CCS: variants seen among roughly 807,000 people sequenced by gnomAD.
CCS encodes superoxide dismutase copper chaperone.
In CCS, 32 loss-of-function variants were observed where a neutral mutation model predicts 35.5. The observed-to-expected ratio is 0.90, with a 90% CI of 0.68 to 1.21. The LOEUF (loss-of-function observed/expected upper bound fraction) is 1.21, where lower values mean the gene tolerates loss of function less well. Among genes scored for constraint, CCS ranks in the 50% most tolerant of loss-of-function variants. The pLI, the probability that CCS is intolerant of heterozygous loss-of-function variation, is 0.00. For synonymous variants in CCS, 130 were observed against 147.2 expected (o/e 0.88, Z 0.84); for missense variants, 342 against 375.4 (o/e 0.91, Z 0.73).
intron 5 of CCS, among the ~76,000 whole-genome samples, chr11:66,601,251 C>T (rs1385696384): frequency 6.6e-6 from 1 of 152,108 alleles, no homozygotes; most frequent in Non-Finnish European, 1.5e-5. Context: ...CACCACCACA[C>T]CCGGGTAATT....
chr11:66,593,812 A>G, intron 2 of CCS, 98 bp downstream of exon 2: 1 of 1,122,172 alleles, frequency 8.9e-7, no homozygotes, highest in South Asian at 1.3e-5. Context: ...TTACAGATGC[A>G]GAAAGTGAAC....
chr11:66,599,339 G>A, intron 3 of CCS, 86 bp downstream of exon 3: 1 of 1,505,240 alleles, frequency 6.6e-7, no homozygotes, highest in Non-Finnish European at 8.9e-7. Context: ...CTCAGGCTCT[G>A]GGTTGGAGTG....
rs758584721 is a variant in CCS, at chr11:66,593,632, G to A, written c.40-10G>A. ...CAGCGATCATCGGTTGGTCCCTGCC[G>A]CCCTTGCAGTTGGAGTTCGCGGTGC... On this transcript the variant is annotated splice_polypyrimidine_tract_variant and intron_variant, in intron 1 of 7. Coordinates refer to ENST00000533244, the MANE Select transcript of CCS (RefSeq NM_005125.2). The A allele has an allele frequency of 1.9e-6, 3 of 1,613,222 alleles. No homozygotes were observed. The highest frequency in any genetic ancestry group is 4.5e-5 in the East Asian group (2 of 44,864).
Position 66,593,210 on chromosome 11 carries a change from G to C in CCS, c.-52G>C. 6.5e-7 allele frequency: 1 copy of C among 1,545,618 alleles called. No individual in the cohort carries two copies. Among genetic ancestry groups the C allele is most frequent in the African/African-American group, 1.4e-5 (1 of 73,242 alleles). On this transcript the variant is annotated 5_prime_UTR_variant, in exon 1 of 8. Coordinates refer to ENST00000533244, the MANE Select transcript of CCS (RefSeq NM_005125.2). ...AGTCCCCGCGACGCCGCGCTGGTTG[G>C]TGCTCCTGCGCCGGAGGAGTTCTGC...
chr11:66,599,148 C>T lies in CCS; in HGVS notation c.145C>T (p.Gln49Ter). Residue 49 changes from glutamine (Q) to a stop codon, truncating the protein, a stop_gained, in exon 3 of 8, where the codon CAG (glutamine) becomes TAG (stop). Transcript: ENST00000533244. LOFTEE classifies it high-confidence loss of function. Reference protein sequence around the residue: ...VQDVEVHLEDQMVLVHTTLPS... With the variant: ...VQDVEVHLED Reference sequence around the variant, plus strand: ...GGATGTGGAGGTGCACTTGGAGGACCAGATGGTCTTGGTACACACCACTCT... The same window carrying T: ...GGATGTGGAGGTGCACTTGGAGGACTAGATGGTCTTGGTACACACCACTCT... 2 of 1,614,082 alleles carry T rather than the reference C, an allele frequency of 1.2e-6. No individual in the cohort carries two copies. Among genetic ancestry groups the T allele is most frequent in the Non-Finnish European group, 8.5e-7 (1 of 1,180,030 alleles).
intron 2 of CCS, among the ~76,000 whole-genome samples, chr11:66,598,071 G>A (rs1201706044): frequency 6.6e-6 from 1 of 150,454 alleles, no homozygotes; most frequent in African/African-American, 2.4e-5. Flanking sequence ...GTGACACAGC[G>A]AGACTCTGTC....
Position 66,605,877 on chromosome 11 carries a change from G to C in CCS, c.*22G>C. On this transcript the variant is annotated 3_prime_UTR_variant, in exon 8 of 8. Transcript: ENST00000533244. ...TTGAGCAGGACCTCACCTTGGCTCTGTTGCTGTCCTCCAGGGCGAGCACTT... is the reference window on the plus strand; with the variant it reads ...TTGAGCAGGACCTCACCTTGGCTCTCTTGCTGTCCTCCAGGGCGAGCACTT... The C allele has an allele frequency of 6.7e-7, 1 of 1,497,534 alleles. No homozygotes were observed. Among genetic ancestry groups the C allele is most frequent in the Non-Finnish European group, 8.9e-7 (1 of 1,125,004 alleles). The allele number at this position is 1,497,534 out of a possible 1,614,324, so 92.8% of individuals were successfully genotyped here.
chr11:66,604,940 A>G (rs1385869545), intron 5 of CCS, among the ~76,000 whole-genome samples: 3 of 152,354 alleles, frequency 2.0e-5, no homozygotes, highest in Non-Finnish European at 2.9e-5. Flanking sequence ...CAGAGCCATC[A>G]GGAGGCTGCA....
chr11:66,599,556 G>C lies in CCS; in HGVS notation c.348G>C (p.Glu116Asp). Residue 116 changes from glutamate to aspartate, a missense_variant, in exon 4 of 8, where the codon GAG (glutamate) becomes GAC (aspartate). Coordinates refer to ENST00000533244, the MANE Select transcript of CCS (RefSeq NM_005125.2). ...LQLTPERCLIEGTIDGLEPGL... is the reference protein window; with the variant it reads ...LQLTPERCLIDGTIDGLEPGL... ...TGACCCCTGAGCGCTGCCTCATCGA[G>C]GGAACTATTGACGGCCTGGAGCCTG... 3 of 1,605,036 alleles carry C rather than the reference G, an allele frequency of 1.9e-6. No individual in the cohort carries two copies. Among genetic ancestry groups the C allele is most frequent in the Non-Finnish European group, 2.6e-6 (3 of 1,176,038 alleles).
intron 7 of CCS, 33 bp downstream of exon 7, chr11:66,605,625 C>A: frequency 1.2e-6 from 2 of 1,603,788 alleles, no homozygotes; most frequent in Non-Finnish European, 8.5e-7. Flanking sequence ...GGAGGCTGTG[C>A]TCTGCGGATG....
At chr11:66,600,315 C>T in intron 4 of CCS, 174 bp from the exon 5 acceptor site, 1 of 421,788 alleles carries the variant, frequency 2.4e-6, no homozygotes, top group Non-Finnish European at 4.2e-6. Context: ...TTATTCAGGA[C>T]AGGACCCATG....
In CCS at chr11:66,605,821, G is replaced by A. The variant is rs147502080; in HGVS notation, c.791G>A (p.Arg264Gln). The change falls in exon 8 of 8, where the codon CGA (arginine) becomes CAA (glutamine). Residue 264 changes from arginine to glutamine, a missense_variant. Transcript: ENST00000533244. ...GGCCGGCCCATCGCTGGCAAGGGCC[G>A]AAAGGAGTCAGCGCAGCCCCCTGCC... ...ERGRPIAGKG[R>Q]KESAQPPAHL is the part of the protein sequence containing the mutation. 34 of 1,589,560 alleles carry A rather than the reference G, an allele frequency of 2.1e-5. No homozygotes were observed. Among genetic ancestry groups the A allele is most frequent in the Admixed American group, 3.6e-5 (2 of 56,190 alleles).
In CCS at chr11:66,593,290, C is replaced by A; in HGVS notation, c.29C>A (p.Thr10Asn). The A allele has an allele frequency of 6.4e-7, 1 of 1,552,726 alleles. No homozygotes were observed. Among genetic ancestry groups the A allele is most frequent in the East Asian group, 2.4e-5 (1 of 42,052 alleles). The change falls in exon 1 of 8, where the codon ACC becomes AAC. Residue 10 changes from threonine (T) to asparagine (N), a missense_variant. Thr to Asn is a moderately conservative substitution (Grantham distance 65). Coordinates refer to ENST00000533244, the MANE Select transcript of CCS (RefSeq NM_005125.2). ...GCTTCGGATTCGGGGAACCAGGGGA[C>A]CCTCTGCACGGTGAGGGTCGAGGCT... MASDSGNQGTLCTLEFAVQM... is the reference protein window; with the variant it reads MASDSGNQGNLCTLEFAVQM...
intron 5 of CCS, among the ~76,000 whole-genome samples, chr11:66,604,250 A>G (rs1266670491): frequency 6.6e-6 from 1 of 152,038 alleles, no homozygotes; most frequent in Non-Finnish European, 1.5e-5. Context: ...AAAACAAGCA[A>G]AAAAAACCGC....
At position 66,599,543 on chromosome 11, in the gene CCS, G is replaced by C; in HGVS notation, c.335G>C (p.Arg112Pro). 6.2e-7 allele frequency: 1 copy of C among 1,602,782 alleles called. No homozygotes were observed. The highest frequency in any genetic ancestry group is 8.5e-7 in the Non-Finnish European group (1 of 1,174,958). The change falls in exon 4 of 8, where the codon CGC becomes CCC. Residue 112 changes from arginine to proline, a missense_variant. Coordinates refer to ENST00000533244, the MANE Select transcript of CCS (RefSeq NM_005125.2). ...CGCTTCCTACAGCTGACCCCTGAGC[G>C]CTGCCTCATCGAGGGAACTATTGAC... ...VVRFLQLTPE[R>P]CLIEGTIDGL... is the part of the protein sequence containing the mutation.
intron 3 of CCS, 97 bp from the exon 4 acceptor site, chr11:66,599,362 G>A: frequency 6.7e-7 from 1 of 1,497,022 alleles, no homozygotes; most frequent in Non-Finnish European, 8.9e-7. Flanking sequence ...TTTGAGGAAG[G>A]TGTGAAAATT....
intron 4 of CCS, 21 bp from the exon 5 acceptor site, chr11:66,600,468 C>A: frequency 1.3e-6 from 2 of 1,499,594 alleles, no homozygotes; most frequent in African/African-American, 1.4e-5. Flanking sequence ...TTCCTGCCCA[C>A]CTGTTTCCTT....
At chr11:66,593,743 C>G (rs1370248609) in intron 2 of CCS, 29 bp downstream of exon 2, 2 of 1,605,038 alleles carry the variant, frequency 1.2e-6, no homozygotes, top group Non-Finnish European at 8.5e-7. Context: ...TTTCTGCAGA[C>G]AGTCCAGAAG....
intron 5 of CCS, among the ~76,000 whole-genome samples, chr11:66,602,258 G>T (rs528333853): frequency 6.6e-6 from 1 of 152,162 alleles, no homozygotes; most frequent in African/African-American, 2.4e-5. Context: ...TGCAGCTCAG[G>T]GTCTCTCTCG....
Sources: allele counts gnomAD v4.1 joint callset (sites outside exome capture counted in the v4.1 genomes callset), GRCh38; gene constraint gnomAD v4.1.1; transcripts MANE v1.5; gene names NCBI Gene and HGNC (gene_info 2026-07-23, HGNC 2026-07-21).